CLN8: variants seen among roughly 807,000 people sequenced by gnomAD.
The protein encoded by CLN8 is protein CLN8.
CLN8 carries 14 observed loss-of-function variants against 15.7 expected under a neutral mutation model. The ratio of observed to expected loss-of-function variants is 0.89; its 90% CI spans 0.59 to 1.39. The LOEUF is 1.39. Among genes scored for constraint, CLN8 ranks in the 40% most tolerant of loss-of-function variants. CLN8 has a pLI of 0.00. For missense variants in CLN8, 415 were observed against 364.0 expected (o/e 1.14, Z -1.14); for synonymous variants, 188 against 151.0 (o/e 1.25, Z -1.80).
chr8:1,754,199 A>G (rs918110821), upstream of CLN8, among the ~76,000 whole-genome samples: 2 of 152,178 alleles, frequency 1.3e-5, no homozygotes, highest in African/African-American at 4.8e-5. Flanking sequence ...ATCCCCTGCA[A>G]GTGTCTGTTT....
upstream of CLN8, chr8:1,761,865 G>C (rs1245629015): frequency 6.6e-6 from 1 of 152,234 alleles, no homozygotes; most frequent in East Asian, 1.9e-4. Flanking sequence ...TTTTTCAATA[G>C]TGATGTTATC....
rs1421955230 is a variant in CLN8, at chr8:1,782,825, T to C, written c.*2258T>C. On this transcript the variant is annotated 3_prime_UTR_variant, in exon 3 of 3. Transcript: ENST00000331222. The stretch of plus-strand genomic sequence containing the variant: ...TCAGAATTCGATTTGGAGTTGGAAG[T>C]GGACAGCCTAATTTTTATCTCACCT... 6.6e-6 allele frequency: 1 copy of C among 152,246 alleles called. No individual in the cohort carries two copies. Among genetic ancestry groups the C allele is most frequent in the Non-Finnish European group, 1.5e-5 (1 of 68,048 alleles). The allele number at this position is 152,246 out of a possible 1,614,324, so 9.4% of individuals were successfully genotyped here. A position where few individuals can be genotyped will look rare whatever the true frequency, so the allele number is the denominator to read the frequency against.
chr8:1,770,207 C>A (rs1262612513), intron 1 of CLN8, among the ~76,000 whole-genome samples: 1 of 152,126 alleles, frequency 6.6e-6, no homozygotes, highest in Non-Finnish European at 1.5e-5. Context: ...TAAGTGAGGA[C>A]CTGACAGGTA....
intron 1 of CLN8, chr8:1,764,302 G>A (rs1800949923): frequency 6.6e-6 from 1 of 152,350 alleles, no homozygotes; most frequent in African/African-American, 2.4e-5. Flanking sequence ...GCTCCTCACC[G>A]CGACGCTGAC....
chr8:1,769,383 T>C (rs1343403459), intron 1 of CLN8, among the ~76,000 whole-genome samples: 1 of 152,204 alleles, frequency 6.6e-6, no homozygotes, highest in African/African-American at 2.4e-5. Flanking sequence ...CCTCCTATGC[T>C]TCTGGCTCTA....
chr8:1,754,060 T>C (rs1412236926), upstream of CLN8, among the ~76,000 whole-genome samples: 1 of 152,134 alleles, frequency 6.6e-6, no homozygotes, highest in African/African-American at 2.4e-5. Flanking sequence ...AATAACTCAG[T>C]CTTCCTGTGC....
At chr8:1,777,085 T>C (rs1801549970) in intron 2 of CLN8, among the ~76,000 whole-genome samples, 1 of 152,172 alleles carries the variant, frequency 6.6e-6, no homozygotes, top group Admixed American at 6.5e-5. Flanking sequence ...AGTACCTTTC[T>C]ACATGTCTAA....
exon 1 of CLN8, chr8:1,755,972 T>C (rs1320593542): frequency 6.6e-6 from 1 of 152,226 alleles, no homozygotes; most frequent in Non-Finnish European, 1.5e-5. Context: ...TTTTATTTCC[T>C]AAGTACTGTT....
At position 1,780,783 on chromosome 8, in the gene CLN8, G is replaced by T; in HGVS notation, c.*216G>T. The T allele has an allele frequency of 1.6e-6, 1 of 608,142 alleles. No homozygotes were observed. Among genetic ancestry groups the T allele is most frequent in the East Asian group, 2.8e-5 (1 of 35,976 alleles). The allele number at this position is 608,142 out of a possible 1,614,324, so 37.7% of individuals were successfully genotyped here. A position where few individuals can be genotyped will look rare whatever the true frequency, so the allele number is the denominator to read the frequency against. The stretch of plus-strand genomic sequence containing the variant: ...TATGACTGTCTGGCAGGCTCTGTCA[G>T]TTTAGCCGCGCCGGACCGTGTCAAG... On this transcript the variant is annotated 3_prime_UTR_variant, in exon 3 of 3. Coordinates refer to ENST00000331222, the MANE Select transcript of CLN8 (RefSeq NM_018941.4).
Position 1,770,299 on chromosome 8 carries a change from G to A in CLN8, c.-123-633G>A, listed in dbSNP as rs1260344986. On this transcript the variant is annotated intron_variant, in intron 1 of 2. Coordinates refer to ENST00000331222, the MANE Select transcript of CLN8 (RefSeq NM_018941.4). The stretch of plus-strand genomic sequence containing the variant: ...CAGAGACCCAGAGGTGCAGGAGAGT[G>A]TGATGTTTTCAAAGGACTGGAAGGT... Among the ~76,000 whole-genome samples the A allele has an allele frequency of 2.6e-5, 4 of 152,176 alleles. No homozygotes were observed. In the East Asian group the frequency reaches 7.7e-4, roughly 29 times the overall value.
At chr8:1,779,006 G>T (rs556804155) in intron 2 of CLN8, among the ~76,000 whole-genome samples, 69 of 152,274 alleles carry the variant, frequency 4.5e-4, no homozygotes, top group South Asian at 3.3e-3. Flanking sequence ...ATAGCACAAA[G>T]CCTGTTTTAC....
chr8:1,767,014 G>T (rs1293797831), intron 1 of CLN8, among the ~76,000 whole-genome samples: 1 of 152,236 alleles, frequency 6.6e-6, no homozygotes, highest in African/African-American at 2.4e-5. Flanking sequence ...GCCACGAAAG[G>T]ACAGCAGAGC....
intron 2 of CLN8, among the ~76,000 whole-genome samples, chr8:1,776,116 C>G (rs551570779): frequency 6.6e-6 from 1 of 151,960 alleles, no homozygotes; most frequent in Non-Finnish European, 1.5e-5. Context: ...ATTCTGGAAG[C>G]TGGAATCTGT....
At chr8:1,770,229 A>G (rs1360734407) in intron 1 of CLN8, among the ~76,000 whole-genome samples, 2 of 152,168 alleles carry the variant, frequency 1.3e-5, no homozygotes, top group African/African-American at 2.4e-5. Context: ...GATGATGCCA[A>G]CTTGGGGAAG....
At position 1,771,398 on chromosome 8, in the gene CLN8, G is replaced by C. The variant is rs1375303850; in HGVS notation, c.344G>C (p.Cys115Ser). 6.2e-7 allele frequency: 1 copy of C among 1,614,174 alleles called. No homozygotes were observed. Among genetic ancestry groups the C allele is most frequent in the Admixed American group, 1.7e-5 (1 of 60,028 alleles). Reference sequence around the variant, plus strand: ...ATCACGACAGCAACGGGATTCTTTTGCTTTGAAAATGTTGCAGTCCACCTG... The same window carrying C: ...ATCACGACAGCAACGGGATTCTTTTCCTTTGAAAATGTTGCAGTCCACCTG... Reference protein sequence around the residue: ...FHITTATGFFCFENVAVHLSN... With the variant: ...FHITTATGFFSFENVAVHLSN... The change falls in exon 2 of 3, where the codon TGC (cysteine) becomes TCC (serine). Residue 115 changes from cysteine to serine, a missense_variant. By Grantham distance (112) the Cys-to-Ser change is moderately radical (BLOSUM62 -1). Coordinates refer to ENST00000331222, the MANE Select transcript of CLN8 (RefSeq NM_018941.4).
At chr8:1,763,762 G>T (rs1800914590), upstream of CLN8, 1 of 148,924 alleles carries the variant, frequency 6.7e-6, no homozygotes, top group Non-Finnish European at 1.5e-5. Context: ...GCGAACGCGC[G>T]TGCGCGGGCG....
Position 1,772,308 on chromosome 8 carries a change from A to C in CLN8, c.543+711A>C, listed in dbSNP as rs544996940. On this transcript the variant is annotated intron_variant, in intron 2 of 2. Transcript: ENST00000331222. ...ATACCTTGCTTGCTTTTTATTTTTG[A>C]ATAAGGTTGTTGTACTAGTGCTCAG... is the stretch of plus-strand genomic sequence containing the variant. 2.4e-3 allele frequency among the ~76,000 whole-genome samples: 359 copies of C among 152,204 alleles called. 2 individuals are homozygous for C. Among genetic ancestry groups the C allele is most frequent in the African/African-American group, 8.5e-3 (351 of 41,514 alleles).
chr8:1,774,009 C>G (rs1308707899), intron 2 of CLN8: 1 of 152,136 alleles, frequency 6.6e-6, no homozygotes, highest in Non-Finnish European at 1.5e-5. Flanking sequence ...ATTTTTATTA[C>G]AAGTTCTTTA....
chr8:1,780,194 A>G, intron 2 of CLN8, 56 bp from the exon 3 acceptor site: 3 of 1,614,070 alleles, frequency 1.9e-6, no homozygotes, highest in Non-Finnish European at 2.5e-6. Flanking sequence ...TGTGATGTGA[A>G]GAATGAATTT....
Sources: gnomAD v4.1 joint callset for allele counts (sites outside exome capture counted in the v4.1 genomes callset) on GRCh38, gnomAD v4.1.1 for gene constraint, MANE v1.5 for transcripts, NCBI Gene and HGNC (gene_info 2026-07-23, HGNC 2026-07-21) for gene names.